Variants in ATP11A observed in about 807,000 individuals in gnomAD.
ATP11A encodes the protein phospholipid-transporting ATPase IH.
Under a neutral mutation model 154.4 loss-of-function variants are expected in ATP11A, and 81 were observed. The observed-to-expected ratio is 0.52, with a 90% CI of 0.44 to 0.63. ATP11A has a LOEUF of 0.63. Among genes scored for constraint, ATP11A ranks in the 30% least tolerant of loss-of-function variants. The pLI, the probability that ATP11A is intolerant of heterozygous loss-of-function variation, is 0.00. For missense variants in ATP11A, 1,316 were observed against 1,474.3 expected, an observed-to-expected ratio of 0.89 and a Z score of 1.76; for synonymous variants, 623 against 585.9, an observed-to-expected ratio of 1.06 and a Z score of -0.91.
In ATP11A at chr13:112,816,077, C is replaced by T. The variant is rs2078638487; in HGVS notation, c.442-6C>T. 1 of 1,614,140 alleles carries T rather than the reference C, an allele frequency of 6.2e-7. No individual in the cohort carries two copies. Among genetic ancestry groups the T allele is most frequent in the Non-Finnish European group, 8.5e-7 (1 of 1,180,024 alleles). ...CATTGACCATCCTTTCTGCTTTGTC[C>T]TGTAGGTTGGGGACATTGTCATGGT... is the stretch of plus-strand genomic sequence containing the variant. On this transcript the variant is annotated splice_polypyrimidine_tract_variant and splice_region_variant and intron_variant, in intron 5 of 29. Transcript: ENST00000375645.
chr13:112,848,584 C>A (rs1287070983), intron 17 of ATP11A, among the ~76,000 whole-genome samples: 1 of 152,224 alleles, frequency 6.6e-6, no homozygotes, highest in Non-Finnish European at 1.5e-5. Context: ...GCATCTAATA[C>A]TCTGTTGAAT....
chr13:112,771,839 G>A (rs566497631), intron 1 of ATP11A, among the ~76,000 whole-genome samples: 67 of 152,302 alleles, frequency 4.4e-4, no homozygotes, highest in African/African-American at 1.6e-3. Flanking sequence ...AACAAACAAA[G>A]TAACATTTAA....
intron 25 of ATP11A, among the ~76,000 whole-genome samples, chr13:112,863,248 CA>C: frequency 6.8e-6 from 1 of 146,992 alleles, no homozygotes; most frequent in African/African-American, 2.5e-5. Flanking sequence ...ACCACCTGCG[CA>C]GTAATTCAGT....
intron 1 of ATP11A, among the ~76,000 whole-genome samples, chr13:112,725,216 G>A (rs879454922): frequency 1.6e-4 from 25 of 152,332 alleles, no homozygotes; most frequent in Middle Eastern, 3.4e-3. Context: ...GCAGTGGGGT[G>A]GGGACAGACA....
rs1440359403 is a variant in ATP11A at position 112,753,111 on chromosome 13, C to G, written c.40-32024C>G. ...TCCCAATGACATATACGGTGGCTTA[C>G]AGTTACCCCGGCCCAGACTTTTTTC... On this transcript the variant is annotated intron_variant, in intron 1 of 29. Transcript: ENST00000375645. This position sits in a 1 kb window ranked among gnomAD's most constrained non-coding sequence, Gnocchi z 4.1. 6.6e-6 allele frequency among the ~76,000 whole-genome samples: 1 copy of G among 152,178 alleles called. No homozygotes were observed. Among genetic ancestry groups the G allele is most frequent in the Non-Finnish European group, 1.5e-5 (1 of 68,034 alleles).
chr13:112,765,964 C>T (rs1285560192), intron 1 of ATP11A, among the ~76,000 whole-genome samples: 1 of 152,252 alleles, frequency 6.6e-6, no homozygotes, highest in African/African-American at 2.4e-5. Flanking sequence ...GGCGTTGATC[C>T]TTTAACTGAC....
At chr13:112,778,024 T>C (rs563887002) in intron 1 of ATP11A, among the ~76,000 whole-genome samples, 1 of 152,366 alleles carries the variant, frequency 6.6e-6, no homozygotes, top group South Asian at 2.1e-4. Context: ...TGCGTCCATT[T>C]TACTGTTTCC....
intron 28 of ATP11A, among the ~76,000 whole-genome samples, chr13:112,877,052 G>A (rs2080750209): frequency 6.6e-6 from 1 of 152,234 alleles, no homozygotes; most frequent in Admixed American, 6.5e-5. Flanking sequence ...TAAAATCAGA[G>A]CGAGCAAAAC....
rs1248701986 is a variant in ATP11A, at chr13:112,690,977, T to A, written c.39+522T>A. The stretch of plus-strand genomic sequence containing the variant: ...ACCCCTGGGGGATTCAGAAGCGGAG[T>A]TTGGAATCTTTTTATTTTTTACCTT... On this transcript the variant is annotated intron_variant, in intron 1 of 29. Coordinates refer to ENST00000375645, the MANE Select transcript of ATP11A (RefSeq NM_015205.3). This position sits in a 1 kb window ranked among gnomAD's most constrained non-coding sequence, Gnocchi z 5.6. Among the ~76,000 whole-genome samples, 1 of 152,110 alleles carries A rather than the reference T, an allele frequency of 6.6e-6. No homozygotes were observed. The highest frequency in any genetic ancestry group is 1.5e-5 in the Non-Finnish European group (1 of 68,012).
chr13:112,850,906 A>G, intron 17 of ATP11A, 131 bp from the exon 18 acceptor site: 1 of 780,708 alleles, frequency 1.3e-6, no homozygotes, highest in Admixed American at 2.4e-5. Context: ...TAGTACTGTA[A>G]GTTTTGAAAG....
rs1157305576 is a variant in ATP11A at position 112,885,754 on chromosome 13, G to C, written c.*3888G>C. On this transcript the variant is annotated 3_prime_UTR_variant, in exon 30 of 30. Coordinates refer to ENST00000375645, the MANE Select transcript of ATP11A (RefSeq NM_015205.3). Reference sequence around the variant, plus strand: ...CTGCATCCTGCCTCCTTGCTGAGGGGCCCCTGTGAGAGGCCTCTGGATGGG... The same window carrying C: ...CTGCATCCTGCCTCCTTGCTGAGGGCCCCCTGTGAGAGGCCTCTGGATGGG... 1 of 152,394 alleles carries C rather than the reference G, an allele frequency of 6.6e-6. No individual in the cohort carries two copies. Among genetic ancestry groups the C allele is most frequent in the Non-Finnish European group, 1.5e-5 (1 of 68,140 alleles). The allele number at this position is 152,394 out of a possible 1,614,324, so 9.4% of individuals were successfully genotyped here. A position where few individuals can be genotyped will look rare whatever the true frequency, so the allele number is the denominator to read the frequency against.
intron 1 of ATP11A, among the ~76,000 whole-genome samples, chr13:112,691,483 G>GTGT (rs111354648): frequency 0.06 from 7,490 of 124,080 alleles, 288 homozygotes; most frequent in Non-Finnish European, 0.085. Flanking sequence ...AAAAAAAAAG[G>GTGT]GTGTGTGTGT....
At chr13:112,876,772 CG>C (rs1566606525) in intron 28 of ATP11A, among the ~76,000 whole-genome samples, 2 of 152,166 alleles carry the variant, frequency 1.3e-5, no homozygotes, top group East Asian at 3.9e-4. Flanking sequence ...GGGAGGAAGA[CG>C]GGGAGTGAGT....
At chr13:112,862,387 G>A (rs1184318342) in intron 24 of ATP11A, 53 bp from the exon 25 acceptor site, 1 of 1,605,682 alleles carries the variant, frequency 6.2e-7, no homozygotes, top group Non-Finnish European at 8.5e-7. Context: ...CCTGGGGGAG[G>A]TGCCGGGCCC....
intron 1 of ATP11A, among the ~76,000 whole-genome samples, chr13:112,767,983 C>T (rs563579452): frequency 6.6e-6 from 1 of 152,212 alleles, no homozygotes; most frequent in Non-Finnish European, 1.5e-5. Flanking sequence ...ACGCCCTTCT[C>T]TGGTCACTGC....
At chr13:112,712,152 G>A (rs568759062) in intron 1 of ATP11A, among the ~76,000 whole-genome samples, 2 of 152,300 alleles carry the variant, frequency 1.3e-5, no homozygotes, top group Admixed American at 1.3e-4. Flanking sequence ...CCCACCCTGA[G>A]TGACACACGC....
intron 1 of ATP11A, among the ~76,000 whole-genome samples, chr13:112,769,249 A>G (rs1442371238): frequency 6.6e-6 from 1 of 152,088 alleles, no homozygotes; most frequent in Non-Finnish European, 1.5e-5. Context: ...TGAGCTCCAA[A>G]CCGGGCACAG....
At chr13:112,772,712 G>T (rs745006) in intron 1 of ATP11A, among the ~76,000 whole-genome samples, 4 of 152,206 alleles carry the variant, frequency 2.6e-5, no homozygotes, top group Non-Finnish European at 5.9e-5. Flanking sequence ...AGATTTGCCC[G>T]TGTGGACGCT....
intron 1 of ATP11A, among the ~76,000 whole-genome samples, chr13:112,744,513 C>T (rs538524921): frequency 6.6e-6 from 1 of 152,214 alleles, no homozygotes; most frequent in Non-Finnish European, 1.5e-5. Context: ...TGGTGACTCT[C>T]CCTGGCAGCT....
Sources: allele counts gnomAD v4.1 joint callset (sites outside exome capture counted in the v4.1 genomes callset), GRCh38; gene constraint gnomAD v4.1.1; non-coding constraint Gnocchi (gnomAD v3.1); transcripts MANE v1.5; gene names NCBI Gene and HGNC (gene_info 2026-07-23, HGNC 2026-07-21).